The following KPNA1 variants were observed in gnomAD, a reference collection of about 807,000 sequenced individuals.
KPNA1 encodes the protein importin subunit alpha-5.
A neutral mutation model predicts 70.5 loss-of-function variants in KPNA1; 10 were observed. The observed-to-expected ratio is 0.14, with a 90% confidence interval of 0.09 to 0.24. The LOEUF (loss-of-function observed/expected upper bound fraction) is 0.24. KPNA1 is among the 10% of genes least tolerant of loss of function. The pLI is 1.00. For synonymous variants in KPNA1, 192 were observed against 221.9 expected (o/e 0.87, Z 1.20); for missense variants, 397 against 637.9 (o/e 0.62, Z 4.07).
intron 9 of KPNA1, among the ~76,000 whole-genome samples, chr3:122,445,043 G>T (rs752594981): frequency 6.6e-6 from 1 of 152,208 alleles, no homozygotes; most frequent in Admixed American, 6.5e-5. Context: ...AAAGCTGGAC[G>T]GAGAATAACT....
At chr3:122,445,089 G>T (rs913295267) in intron 9 of KPNA1, among the ~76,000 whole-genome samples, 5 of 152,226 alleles carry the variant, frequency 3.3e-5, no homozygotes, top group African/African-American at 7.2e-5. Flanking sequence ...CAGAAGGTCG[G>T]TAATAACTAA....
chr3:122,431,517 AAGC>A (rs1283887778), intron 12 of KPNA1, among the ~76,000 whole-genome samples: 1 of 152,220 alleles, frequency 6.6e-6, no homozygotes, highest in Non-Finnish European at 1.5e-5. Context: ...CTGCAACAAG[AAGC>A]AGCAGAAGCC....
intron 6 of KPNA1, among the ~76,000 whole-genome samples, chr3:122,453,629 CG>C (rs2076235747): frequency 1.3e-5 from 2 of 152,076 alleles, no homozygotes; most frequent in East Asian, 3.9e-4. Flanking sequence ...CTCCACCTCT[CG>C]GGTTCAAGCA....
intron 5 of KPNA1, chr3:122,460,125 G>A (rs2076307241): frequency 2.0e-6 from 2 of 985,132 alleles, no homozygotes; most frequent in African/African-American, 3.5e-5. Context: ...CATAGTCTCA[G>A]GGCCCAAGCC....
At chr3:122,444,946 G>C (rs2076116613) in intron 9 of KPNA1, among the ~76,000 whole-genome samples, 1 of 152,202 alleles carries the variant, frequency 6.6e-6, no homozygotes, top group African/African-American at 2.4e-5. Context: ...AAGATGGGGA[G>C]AAACCAGAGC....
intron 2 of KPNA1, among the ~76,000 whole-genome samples, chr3:122,492,563 G>A (rs1432832374): frequency 6.6e-6 from 1 of 151,982 alleles, no homozygotes; most frequent in Non-Finnish European, 1.5e-5. Flanking sequence ...TTTTCATATG[G>A]AAGCTTCAAC....
rs2076835585 is a variant in KPNA1, at chr3:122,502,098, A to G, written c.-5-5528T>C. 5.9e-5 allele frequency among the ~76,000 whole-genome samples: 9 copies of G among 152,188 alleles called. No individual in the cohort carries two copies. The South Asian group carries it at 1.9e-3, about 32-fold the overall frequency. On this transcript the variant is annotated intron_variant, in intron 1 of 13. Transcript: ENST00000344337. ...ATCTTCTATTTTATTTGGATCTCTT[A>G]ACAAACCTTTATGGCAAAAAATATC...
chr3:122,512,522 G>T (rs891081280), intron 1 of KPNA1, among the ~76,000 whole-genome samples: 1 of 152,194 alleles, frequency 6.6e-6, no homozygotes, highest in Non-Finnish European at 1.5e-5. Context: ...AGGAGTTCGA[G>T]ACCAGCCTGG....
At position 122,423,816 on chromosome 3, in the gene KPNA1, C is replaced by T. The variant is rs1445592784; in HGVS notation, c.*3169G>A. 6 of 152,458 alleles carry T rather than the reference C, an allele frequency of 3.9e-5. No homozygotes were observed. The highest frequency in any genetic ancestry group is 3.8e-4 in the East Asian group (2 of 5,200). The allele number at this position is 152,458 out of a possible 1,614,324, so 9.4% of individuals were successfully genotyped here. A position where few individuals can be genotyped will look rare whatever the true frequency, so the allele number is the denominator to read the frequency against. On this transcript the variant is annotated 3_prime_UTR_variant, in exon 14 of 14. Transcript: ENST00000344337. ...TAATTGCCAATCTTTTTATCTGTGA[C>T]GATAATGCCAAAAATGACTCAGAGC... is the stretch of plus-strand genomic sequence containing the variant.
At chr3:122,450,319 C>T (rs759854749) in intron 8 of KPNA1, among the ~76,000 whole-genome samples, 6 of 152,178 alleles carry the variant, frequency 3.9e-5, no homozygotes, top group Non-Finnish European at 8.8e-5. Context: ...TGGTGGCTCA[C>T]GCCTGTAATC....
chr3:122,442,110 A>G lies in KPNA1; in HGVS notation c.924T>C (p.Asn308=), dbSNP rs774542209. Residue 308 remains asparagine, a synonymous_variant, in exon 10 of 14, where the codon AAT becomes AAC. Coordinates refer to ENST00000344337, the MANE Select transcript of KPNA1 (RefSeq NM_002264.4). ...AAGCAGGAGAAACCACTTTATAATC[A>G]TTATGCCTGCAAAAACAAAAAGTAA... ...CRRLVELLMH[N]DYKVVSPALR... The G allele has an allele frequency of 1.2e-6, 2 of 1,612,238 alleles. No homozygotes were observed. The highest frequency in any genetic ancestry group is 1.7e-5 in the Admixed American group (1 of 60,008).
Position 122,467,348 on chromosome 3 carries a change from G to C in KPNA1, c.211C>G (p.Gln71Glu). The C allele has an allele frequency of 6.3e-7, 1 of 1,599,476 alleles. No individual in the cohort carries two copies. Among genetic ancestry groups the C allele is most frequent in the East Asian group, 2.2e-5 (1 of 44,602 alleles). Residue 71 changes from glutamine (Q) to glutamate (E), a missense_variant, in exon 3 of 14, where the codon CAG (glutamine) becomes GAG (glutamate). Physicochemically the swap from Gln to Glu is conservative, Grantham distance 29. Coordinates refer to ENST00000344337, the MANE Select transcript of KPNA1 (RefSeq NM_002264.4). Reference sequence around the variant, plus strand: ...GGTGCCATCTCCATGTTACTAATCTGAGCCTCATGAAAGCCTCCATCTGAC... The same window carrying C: ...GGTGCCATCTCCATGTTACTAATCTCAGCCTCATGAAAGCCTCCATCTGAC... ...VMSDGGFHEAQISNMEMAPGG... is the reference protein window; with the variant it reads ...VMSDGGFHEAEISNMEMAPGG...
chr3:122,506,380 A>T (rs1053048186), intron 1 of KPNA1, among the ~76,000 whole-genome samples: 31 of 152,366 alleles, frequency 2.0e-4, no homozygotes, highest in African/African-American at 7.5e-4. Context: ...GTATAAGTAT[A>T]AAGTGTTCAG....
At chr3:122,478,021 G>A (rs985339028) in intron 2 of KPNA1, among the ~76,000 whole-genome samples, 53 of 151,706 alleles carry the variant, frequency 3.5e-4, no homozygotes, top group South Asian at 2.5e-3. Flanking sequence ...AATTAGCTGG[G>A]CGTGGTGGCA....
intron 2 of KPNA1, among the ~76,000 whole-genome samples, chr3:122,480,690 T>A (rs2076561549): frequency 6.6e-6 from 1 of 151,892 alleles, no homozygotes; most frequent in Non-Finnish European, 1.5e-5. Flanking sequence ...AAAAGTATTT[T>A]AAAAAAACCA....
chr3:122,451,745 T>C, intron 7 of KPNA1, 112 bp from the exon 8 acceptor site: 1 of 761,284 alleles, frequency 1.3e-6, no homozygotes, highest in Non-Finnish European at 2.1e-6. Flanking sequence ...ATAGCTTTTC[T>C]CCAGAACATT....
chr3:122,491,759 A>G (rs2076700597), intron 2 of KPNA1, among the ~76,000 whole-genome samples: 1 of 151,180 alleles, frequency 6.6e-6, no homozygotes, highest in African/African-American at 2.4e-5. Flanking sequence ...TAAGAGATGT[A>G]CCACGGTATC....
intron 8 of KPNA1, 140 bp downstream of exon 8, chr3:122,451,394 A>C: frequency 1.8e-6 from 1 of 550,038 alleles, no homozygotes; most frequent in East Asian, 2.9e-5. Context: ...AAACAACAAC[A>C]ACCCTGTTTC....
intron 11 of KPNA1, among the ~76,000 whole-genome samples, chr3:122,434,090 C>T (rs565664077): frequency 2.0e-5 from 3 of 152,234 alleles, no homozygotes; most frequent in South Asian, 2.1e-4. Flanking sequence ...GTGCACACCA[C>T]CAAACCCGGC....
Sources: allele counts gnomAD v4.1 joint callset (sites outside exome capture counted in the v4.1 genomes callset), GRCh38; gene constraint gnomAD v4.1.1; transcripts MANE v1.5; gene names NCBI Gene and HGNC (gene_info 2026-07-23, HGNC 2026-07-21).